Variants in ANO1 observed in about 807,000 individuals in gnomAD.
The protein encoded by ANO1 is anoctamin-1.
A neutral mutation model predicts 124.0 loss-of-function variants in ANO1; 59 were observed. That is an observed-to-expected ratio of 0.48 (90% CI 0.39 to 0.59). The LOEUF (loss-of-function observed/expected upper bound fraction) is 0.59, where lower values mean the gene tolerates loss of function less well. ANO1 is among the 20% of genes least tolerant of loss of function. The pLI is 0.00. For missense variants in ANO1, 1,059 were observed against 1,328.0 expected (o/e 0.80, Z 3.15); for synonymous variants, 529 against 532.0 (o/e 0.99, Z 0.08).
chr11:69,992,760 G>A lies in ANO1; in HGVS notation c.58+6594G>A, dbSNP rs141736985. ...TTTGGTGAGGCCTTCGTCTCTCCCCGTGCCTGCCTCTGCCTGGCATTGTTC... is the reference window on the plus strand; with the variant it reads ...TTTGGTGAGGCCTTCGTCTCTCCCCATGCCTGCCTCTGCCTGGCATTGTTC... On this transcript the variant is annotated intron_variant, in intron 1 of 27. Transcript: ENST00000531349. Among the ~76,000 whole-genome samples, 371 of 152,254 alleles carry A rather than the reference G, an allele frequency of 2.4e-3. 13 individuals are homozygous for A. Among genetic ancestry groups the A allele is most frequent in the Non-Finnish European group, 2.1e-3 (145 of 68,010 alleles).
chr11:69,981,141 A>T (rs1379874315), upstream of ANO1, among the ~76,000 whole-genome samples: 1 of 152,248 alleles, frequency 6.6e-6, no homozygotes, highest in Non-Finnish European at 1.5e-5. Context: ...CAGGAAGACC[A>T]TGAATCTGGC....
At chr11:70,099,109 C>G (rs1423634803) in intron 2 of ANO1, among the ~76,000 whole-genome samples, 1 of 152,092 alleles carries the variant, frequency 6.6e-6, no homozygotes, top group Non-Finnish European at 1.5e-5. Context: ...GGCCGTGGCT[C>G]TCGACAAAGT....
chr11:70,024,792 C>T lies in ANO1; in HGVS notation c.58+38626C>T, dbSNP rs188322606. Among the ~76,000 whole-genome samples the T allele has an allele frequency of 1.3e-4, 20 of 152,216 alleles. No homozygotes were observed. The East Asian group carries it at 1.5e-3, about 12-fold the overall frequency. On this transcript the variant is annotated intron_variant, in intron 1 of 27. Coordinates refer to the ANO1 transcript ENST00000531349. ...CTGGACAGACATAGGCGGATCCCAC[C>T]GCCCGAGCTGCCTCCCCTGAAAGGA...
chr11:70,113,895 C>T (rs559190806), intron 7 of ANO1, among the ~76,000 whole-genome samples: 3 of 152,228 alleles, frequency 2.0e-5, no homozygotes, highest in Admixed American at 6.5e-5. Context: ...GGCCAAAAGC[C>T]GTCCCTAGTG....
At chr11:70,024,889 C>T (rs1591041452) in intron 1 of ANO1, among the ~76,000 whole-genome samples, 1 of 152,124 alleles carries the variant, frequency 6.6e-6, no homozygotes, top group Non-Finnish European at 1.5e-5. Flanking sequence ...GCTTGTGAGA[C>T]AGGGACCACA....
At position 70,161,652 on chromosome 11, in the gene ANO1, A is replaced by G; in HGVS notation, c.1811A>G (p.Glu604Gly). 6.2e-7 allele frequency: 1 copy of G among 1,614,014 alleles called. No homozygotes were observed. Among genetic ancestry groups the G allele is most frequent in the Non-Finnish European group, 8.5e-7 (1 of 1,179,894 alleles). Residue 604 changes from glutamate (E) to glycine (G), a missense_variant, in exon 18 of 26, where the codon GAG becomes GGG. Glu to Gly is a moderately conservative substitution (Grantham distance 98). Coordinates refer to ENST00000355303, the MANE Select transcript of ANO1 (RefSeq NM_018043.7). Reference protein sequence around the residue: ...EVPKTEKSFEERLIFKAFLLK... With the variant: ...EVPKTEKSFEGRLIFKAFLLK... ...CCAAAGACGGAGAAAAGCTTTGAGGAGAGGCTGATCTTCAAGGCTTTCCTG... is the reference window on the plus strand; with the variant it reads ...CCAAAGACGGAGAAAAGCTTTGAGGGGAGGCTGATCTTCAAGGCTTTCCTG...
At chr11:70,114,111 T>G (rs934112555) in intron 7 of ANO1, among the ~76,000 whole-genome samples, 1 of 152,224 alleles carries the variant, frequency 6.6e-6, no homozygotes, top group Admixed American at 6.5e-5. Flanking sequence ...CCAAGATCCA[T>G]GCAGACAATC....
chr11:70,087,620 C>G, intron 1 of ANO1, 132 bp from the exon 2 acceptor site: 1 of 871,924 alleles, frequency 1.1e-6, no homozygotes. Flanking sequence ...GTGCCTGGCC[C>G]GTGGAGGGCG....
At chr11:70,159,506 G>A (rs539234364) in intron 16 of ANO1, among the ~76,000 whole-genome samples, 1 of 152,358 alleles carries the variant, frequency 6.6e-6, no homozygotes, top group Non-Finnish European at 1.5e-5. Flanking sequence ...TCATAGGGTT[G>A]AAGAGGACAC....
At chr11:70,162,282 G>T (rs1482790928) in intron 18 of ANO1, among the ~76,000 whole-genome samples, 2 of 147,866 alleles carry the variant, frequency 1.4e-5, no homozygotes, top group African/African-American at 5.0e-5. Context: ...TGGGGACCCC[G>T]GGCAGTGGGG....
At chr11:70,075,371 T>C (rs1219292427), upstream of ANO1, 1 of 152,124 alleles carries the variant, frequency 6.6e-6, no homozygotes, top group Non-Finnish European at 1.5e-5. Flanking sequence ...AAGTGCTCGC[T>C]TCGGCAGCAC....
At chr11:69,981,056 A>G (rs910156160), upstream of ANO1, among the ~76,000 whole-genome samples, 4 of 152,244 alleles carry the variant, frequency 2.6e-5, no homozygotes, top group African/African-American at 4.8e-5. Context: ...CTTTACAAAA[A>G]AATAAAAAAT....
the ANO1 span, among the ~76,000 whole-genome samples, chr11:69,970,179 T>C: frequency 6.6e-6 from 1 of 152,116 alleles, no homozygotes; most frequent in African/African-American, 2.4e-5. Context: ...GAGGGAAGGC[T>C]GGGGGAAGTT....
At position 70,189,400 on chromosome 11, in the gene ANO1, A is replaced by C. The variant is rs1452161296; in HGVS notation, c.*1396A>C. 1 of 152,692 alleles carries C rather than the reference A, an allele frequency of 6.5e-6. No homozygotes were observed. The highest frequency in any genetic ancestry group is 1.5e-5 in the Non-Finnish European group (1 of 68,050). 9.5% of individuals were successfully genotyped at this position (152,692 alleles called of 1,614,324 possible). A position where few individuals can be genotyped will look rare whatever the true frequency, so the allele number is the denominator to read the frequency against. On this transcript the variant is annotated 3_prime_UTR_variant, in exon 26 of 26. Transcript: ENST00000355303. Reference sequence around the variant, plus strand: ...TAGTTTGAAGTGGGTTTTGTATATAAATACTGTATTAAAAATTAGGCAATT... The same window carrying C: ...TAGTTTGAAGTGGGTTTTGTATATACATACTGTATTAAAAATTAGGCAATT...
At chr11:70,112,029 G>A (rs781542689) in intron 7 of ANO1, among the ~76,000 whole-genome samples, 43 of 152,188 alleles carry the variant, frequency 2.8e-4, no homozygotes, top group Admixed American at 6.5e-4. Context: ...TCTGAACCTC[G>A]TAGCCAGCGG....
intron 8 of ANO1, among the ~76,000 whole-genome samples, chr11:70,121,812 G>GTC (rs767321296): frequency 4.1e-5 from 2 of 48,446 alleles, no homozygotes; most frequent in Non-Finnish European, 7.7e-5. Flanking sequence ...CTCTGTCTCT[G>GTC]TCTCTCCATC....
At chr11:69,979,713 G>T in the ANO1 span, among the ~76,000 whole-genome samples, 2 of 152,174 alleles carry the variant, frequency 1.3e-5, no homozygotes, top group Admixed American at 1.3e-4. Flanking sequence ...CAGCAGCCCA[G>T]CCATGAGTGT....
intron 1 of ANO1, among the ~76,000 whole-genome samples, chr11:70,072,098 G>A (rs1030477213): frequency 2.0e-5 from 3 of 152,162 alleles, no homozygotes; most frequent in African/African-American, 4.8e-5. Context: ...GTACAGAAAC[G>A]TTGCATCAGG....
chr11:69,972,285 T>A, the ANO1 span, among the ~76,000 whole-genome samples: 4 of 151,306 alleles, frequency 2.6e-5, no homozygotes, highest in African/African-American at 9.7e-5. Context: ...CGGCGTTATC[T>A]CAGCCTAAAA....
Sources: gnomAD v4.1 joint callset for allele counts (sites outside exome capture counted in the v4.1 genomes callset) on GRCh38, gnomAD v4.1.1 for gene constraint, MANE v1.5 for transcripts, NCBI Gene and HGNC (gene_info 2026-07-23, HGNC 2026-07-21) for gene names.